The following CRADD variants were observed in gnomAD, a reference collection of about 807,000 sequenced individuals.
The protein encoded by CRADD is death domain-containing protein CRADD.
A neutral mutation model predicts 15.5 loss-of-function variants in CRADD; 9 were observed. That is an observed-to-expected ratio of 0.58 (90% confidence interval 0.35 to 1.01). The LOEUF is 1.01. CRADD is among the 50% of genes least tolerant of loss of function. CRADD has a pLI of 0.02. For missense variants in CRADD, 227 were observed against 250.3 expected, an observed-to-expected ratio of 0.91 and a Z score of 0.63; for synonymous variants, 118 against 107.6, an observed-to-expected ratio of 1.10 and a Z score of -0.60.
At chr12:93,818,001 G>A (rs762570236) in intron 2 of CRADD, among the ~76,000 whole-genome samples, 1 of 152,220 alleles carries the variant, frequency 6.6e-6, no homozygotes, top group African/African-American at 2.4e-5. Flanking sequence ...CCCCCCGCCA[G>A]GTCTGGTCCT....
At chr12:93,804,527 A>G (rs1204904927) in intron 2 of CRADD, among the ~76,000 whole-genome samples, 2 of 152,144 alleles carry the variant, frequency 1.3e-5, no homozygotes, top group African/African-American at 2.4e-5. Flanking sequence ...CAGGAGAACA[A>G]TGAAATGTAG....
chr12:93,732,458 A>G (rs1956483529), intron 2 of CRADD, among the ~76,000 whole-genome samples: 1 of 152,220 alleles, frequency 6.6e-6, no homozygotes, highest in Non-Finnish European at 1.5e-5. Flanking sequence ...ACAAGGCAAC[A>G]TCTCAGAGAA....
chr12:93,816,153 A>G (rs1173436214), intron 2 of CRADD: 3 of 152,234 alleles, frequency 2.0e-5, no homozygotes, highest in African/African-American at 7.2e-5. Flanking sequence ...TCAAAGTATT[A>G]TTATTTCAAC....
intron 2 of CRADD, among the ~76,000 whole-genome samples, chr12:93,846,726 G>C (rs1958124247): frequency 6.6e-6 from 1 of 152,098 alleles, no homozygotes; most frequent in Non-Finnish European, 1.5e-5. Context: ...CAGCCATCCA[G>C]CATATGGAGC....
chr12:93,703,525 T>A (rs1349919117), intron 2 of CRADD, among the ~76,000 whole-genome samples: 2 of 151,684 alleles, frequency 1.3e-5, no homozygotes, highest in African/African-American at 2.4e-5. Context: ...CACACCTGGC[T>A]AATTTTTGTA....
intron 2 of CRADD, among the ~76,000 whole-genome samples, chr12:93,797,166 G>C (rs1350697673): frequency 6.6e-6 from 1 of 152,196 alleles, no homozygotes; most frequent in Admixed American, 6.5e-5. Context: ...TATTGGGAGA[G>C]CTGCTTTGTG....
chr12:93,722,029 T>C (rs1033010992), intron 2 of CRADD, among the ~76,000 whole-genome samples: 7 of 152,234 alleles, frequency 4.6e-5, no homozygotes, highest in African/African-American at 1.4e-4. Context: ...GCAGGTCTAC[T>C]GCCAACAAAC....
intron 2 of CRADD, among the ~76,000 whole-genome samples, chr12:93,793,189 A>G (rs898471001): frequency 2.0e-5 from 3 of 152,168 alleles, no homozygotes; most frequent in African/African-American, 7.2e-5. Context: ...AGAAATTGCA[A>G]CCATCAGCAT....
At chr12:93,855,840 A>ACGGAGTCTTGCT (rs771697592) in intron 2 of CRADD, among the ~76,000 whole-genome samples, 126 of 152,130 alleles carry the variant, frequency 8.3e-4, no homozygotes, top group Non-Finnish European at 1.2e-3. Flanking sequence ...CTTTTTTGAG[A>ACGGAGTCTTGCT]CGGAGTCTTG....
At chr12:93,826,740 T>A (rs1593022964) in intron 2 of CRADD, 1 of 152,296 alleles carries the variant, frequency 6.6e-6, no homozygotes, top group East Asian at 1.9e-4. Flanking sequence ...TGGAGAGAAC[T>A]TTCAGAGTAT....
chr12:93,750,511 A>T (rs973912613), intron 2 of CRADD, among the ~76,000 whole-genome samples: 1 of 152,208 alleles, frequency 6.6e-6, no homozygotes, highest in African/African-American at 2.4e-5. Context: ...CACATACTAC[A>T]TAAAAAAATA....
chr12:93,885,065 G>A (rs1370173904), intron 2 of CRADD, among the ~76,000 whole-genome samples: 1 of 152,174 alleles, frequency 6.6e-6, no homozygotes, highest in African/African-American at 2.4e-5. Flanking sequence ...GGACTGACAA[G>A]TCCTTTTTCC....
chr12:93,733,254 A>C (rs1956501546), intron 2 of CRADD, among the ~76,000 whole-genome samples: 1 of 152,200 alleles, frequency 6.6e-6, no homozygotes, highest in African/African-American at 2.4e-5. Flanking sequence ...GGGTACACAT[A>C]GCTAAGACTG....
intron 2 of CRADD, among the ~76,000 whole-genome samples, chr12:93,748,487 A>G (rs548962036): frequency 6.6e-6 from 1 of 152,214 alleles, no homozygotes; most frequent in African/African-American, 2.4e-5. Flanking sequence ...TTGTATTTTT[A>G]GTAGAGACGG....
At chr12:93,887,160 A>T (rs1034184606) in intron 2 of CRADD, among the ~76,000 whole-genome samples, 1 of 152,194 alleles carries the variant, frequency 6.6e-6, no homozygotes, top group East Asian at 1.9e-4. Flanking sequence ...TCTGTGGGGA[A>T]ATATGAGAAT....
At chr12:93,894,339 T>C (rs1230634786) in exon 3 of CRADD, 1 of 568,480 alleles carries the variant, frequency 1.8e-6, no homozygotes, top group African/African-American at 1.9e-5. Flanking sequence ...AAACCTACAA[T>C]GCTCAGATGG....
chr12:93,751,310 A>C (rs1321638247), intron 2 of CRADD, among the ~76,000 whole-genome samples: 1 of 152,228 alleles, frequency 6.6e-6, no homozygotes, highest in African/African-American at 2.4e-5. Flanking sequence ...TCACCAGCTG[A>C]TGCCCTGTTG....
At chr12:93,764,118 A>T (rs1032875116) in intron 2 of CRADD, among the ~76,000 whole-genome samples, 1 of 150,942 alleles carries the variant, frequency 6.6e-6, no homozygotes, top group Non-Finnish European at 1.5e-5. Context: ...TGTAAATCAC[A>T]TTATGGTTTT....
chr12:93,748,417 C>G (rs995740248), intron 2 of CRADD, among the ~76,000 whole-genome samples: 8 of 152,240 alleles, frequency 5.3e-5, no homozygotes, highest in South Asian at 2.1e-4. Flanking sequence ...GCGATTCCCC[C>G]CTGCTTCAGC....
Sources: allele counts gnomAD v4.1 joint callset (sites outside exome capture counted in the v4.1 genomes callset), GRCh38; gene constraint gnomAD v4.1.1; transcripts MANE v1.5; gene names NCBI Gene and HGNC (gene_info 2026-07-23, HGNC 2026-07-21).